FAM153A: variants seen among roughly 807,000 people sequenced by gnomAD.
The protein encoded by FAM153A is family with sequence similarity 153 member A.
In FAM153A, 12 loss-of-function variants were observed where a neutral mutation model predicts 48.1. The observed-to-expected ratio is 0.25, with a 90% CI of 0.16 to 0.40. The LOEUF (loss-of-function observed/expected upper bound fraction) is 0.40. Ranked by LOEUF, FAM153A falls within the 10% of genes least tolerant of loss-of-function variation. FAM153A has a pLI of 1.00. For synonymous variants in FAM153A, 36 were observed against 118.2 expected, an observed-to-expected ratio of 0.30 and a Z score of 4.51; for missense variants, 111 against 345.8, an observed-to-expected ratio of 0.32 and a Z score of 5.38.
intron 25 of FAM153A, among the ~76,000 whole-genome samples, chr5:177,714,451 C>T (rs1168063052): frequency 6.1e-5 from 9 of 148,564 alleles, no homozygotes; most frequent in Non-Finnish European, 1.0e-4. Context: ...AATAGACTTC[C>T]TTTTCTACTA....
chr5:177,736,639 A>T (rs375609054), intron 11 of FAM153A, 30 bp from the exon 14 acceptor site: 2 of 1,603,094 alleles, frequency 1.2e-6, no homozygotes, highest in African/African-American at 1.4e-5. Flanking sequence ...TATGAGGATC[A>T]GACCAGGCTG....
intron 1 of FAM153A, among the ~76,000 whole-genome samples, chr5:177,759,371 C>T (rs1357460028): frequency 6.6e-6 from 1 of 151,758 alleles, no homozygotes; most frequent in African/African-American, 2.4e-5. Flanking sequence ...GTTGGTGGGA[C>T]TGTAAACTAG....
chr5:177,695,895 C>T, the FAM153A span, among the ~76,000 whole-genome samples: 1 of 133,330 alleles, frequency 7.5e-6, no homozygotes, highest in Non-Finnish European at 1.6e-5. Flanking sequence ...GGCAGAGGCA[C>T]TCCTCACTTC....
Position 177,737,188 on chromosome 5 carries a change from G to A in FAM153A, c.563-76C>T, listed in dbSNP as rs540942596. The A allele has an allele frequency of 6.5e-5, 95 of 1,470,688 alleles. 1 individual carries two copies. Among genetic ancestry groups the A allele is most frequent in the Middle Eastern group, 2.5e-4 (1 of 3,962 alleles). The allele number at this position is 1,470,688 out of a possible 1,614,324, so 91.1% of individuals were successfully genotyped here. A position where few individuals can be genotyped will look rare whatever the true frequency, so the allele number is the denominator to read the frequency against. On this transcript the variant is annotated intron_variant, in intron 10 of 20. Transcript: ENST00000614127. Reference sequence around the variant, plus strand: ...CAGGTGGTCTTGGAGCTGTGGACACGGGGCTGGCGTGTGTGGAAAGGTGTG... The same window carrying A: ...CAGGTGGTCTTGGAGCTGTGGACACAGGGCTGGCGTGTGTGGAAAGGTGTG...
intron 1 of FAM153A, among the ~76,000 whole-genome samples, chr5:177,766,155 C>A (rs1377248784): frequency 1.1e-5 from 1 of 94,654 alleles, no homozygotes; most frequent in African/African-American, 4.0e-5. Context: ...GAAAAACATG[C>A]CAATAGGATA....
chr5:177,756,912 A>T (rs1404190727), upstream of FAM153A, among the ~76,000 whole-genome samples: 12 of 123,884 alleles, frequency 9.7e-5, 2 homozygotes, highest in Non-Finnish European at 1.8e-4. Context: ...ACACCCTAAC[A>T]TCACAATTAA....
intron 1 of FAM153A, among the ~76,000 whole-genome samples, chr5:177,761,718 T>C (rs2127712553): frequency 9.8e-6 from 1 of 102,550 alleles, no homozygotes; most frequent in South Asian, 3.4e-4. Flanking sequence ...TCAAAACCAC[T>C]GTCAGAGGTA....
intron 25 of FAM153A, chr5:177,714,014 T>G (rs967437168): frequency 6.6e-6 from 1 of 151,934 alleles, no homozygotes; most frequent in Non-Finnish European, 1.5e-5. Flanking sequence ...AAGACCGATG[T>G]ATTCTATCAA....
In FAM153A at chr5:177,743,206, GTTTTT is replaced by G. The variant is rs1453924824; in HGVS notation, c.364+1183_364+1187del. 9.1e-5 allele frequency among the ~76,000 whole-genome samples: 6 copies of G among 65,638 alleles called. 1 individual carries two copies. The highest frequency in any genetic ancestry group is 5.2e-4 in the Admixed American group (3 of 5,722). The allele number at this position is 65,638 out of a possible 152,430, so 43.1% of individuals were successfully genotyped here. On this transcript the variant is annotated intron_variant, in intron 6 of 20. Coordinates refer to ENST00000614127, the Ensembl canonical transcript of FAM153A. ...CATTCACTTGTTTTTTTTTTGTTTT[GTTTTT>G]TTTTTTTTTGCAACAGCCTTCAGAA...
intron 25 of FAM153A, among the ~76,000 whole-genome samples, chr5:177,715,873 C>A (rs1561863708): frequency 6.6e-6 from 1 of 151,556 alleles, no homozygotes; most frequent in East Asian, 1.9e-4. Flanking sequence ...CGGGGTCTTG[C>A]TATTGTTGCC....
At chr5:177,743,538 A>G (rs1582421020) in intron 6 of FAM153A, among the ~76,000 whole-genome samples, 1 of 124,708 alleles carries the variant, frequency 8.0e-6, no homozygotes, top group African/African-American at 3.1e-5. Flanking sequence ...TGAGGCCTCA[A>G]TGGAGAAAGT....
At chr5:177,739,175 T>C in intron 9 of FAM153A, 38 bp from the exon 12 acceptor site, 1 of 1,610,576 alleles carries the variant, frequency 6.2e-7, no homozygotes, top group Non-Finnish European at 8.5e-7. Context: ...GAGGGTAAGA[T>C]CATGCTGTCT....
chr5:177,696,069 G>GGGT, the FAM153A span, among the ~76,000 whole-genome samples: 316 of 122,548 alleles, frequency 2.6e-3, 60 homozygotes, highest in Non-Finnish European at 3.2e-3. Context: ...CCCAGATGAT[G>GGGT]GGCGGCCGGG....
chr5:177,750,006 G>C (rs1405532886), intron 2 of FAM153A: 2 of 148,988 alleles, frequency 1.3e-5, no homozygotes, highest in East Asian at 4.0e-4. Context: ...TCTTCAGGCA[G>C]TGAGTGAACC....
chr5:177,703,108 C>G (rs961539886), downstream of FAM153A, among the ~76,000 whole-genome samples: 1 of 152,312 alleles, frequency 6.6e-6, no homozygotes, highest in African/African-American at 2.4e-5. Context: ...AGCTTGCACT[C>G]TGTGCCTGGA....
At position 177,738,332 on chromosome 5, in the gene FAM153A, A is replaced by G. The variant is rs867831821; in HGVS notation, c.562+781T>C. On this transcript the variant is annotated intron_variant, in intron 10 of 20. Transcript: ENST00000614127. ...AGATGAGAAAATAACACAGCACTGC[A>G]GCCAAAAGCCTGACCTCGCAATGTC... Among the ~76,000 whole-genome samples the G allele has an allele frequency of 1.5e-4, 23 of 151,532 alleles. No individual in the cohort carries two copies. The Middle Eastern group carries it at 0.014, about 90-fold the overall frequency.
At chr5:177,725,878 G>C (rs1414955840) in intron 18 of FAM153A, among the ~76,000 whole-genome samples, 59 of 151,968 alleles carry the variant, frequency 3.9e-4, no homozygotes, top group African/African-American at 1.3e-3. Context: ...GCAACAGCTA[G>C]ACTTGGGCCT....
intron 25 of FAM153A, among the ~76,000 whole-genome samples, chr5:177,715,807 G>A (rs1159469879): frequency 6.6e-6 from 1 of 151,576 alleles, no homozygotes; most frequent in Non-Finnish European, 1.5e-5. Context: ...AAGCTCAAGT[G>A]ATCCTCCCAA....
intron 18 of FAM153A, among the ~76,000 whole-genome samples, chr5:177,728,425 A>G (rs1317925210): frequency 1.3e-5 from 2 of 149,058 alleles, no homozygotes; most frequent in Non-Finnish European, 3.0e-5. Context: ...GACATCCACA[A>G]TCATTCCATA....
Sources: allele counts gnomAD v4.1 joint callset (sites outside exome capture counted in the v4.1 genomes callset), GRCh38; gene constraint gnomAD v4.1.1; transcripts MANE v1.5; gene names NCBI Gene and HGNC (gene_info 2026-07-23, HGNC 2026-07-21).